Variants in AMBRA1 observed in about 807,000 individuals in gnomAD.
The protein encoded by AMBRA1 is autophagy and beclin 1 regulator 1, also known as activating molecule in BECN1-regulated autophagy protein 1.
AMBRA1 carries 47 observed loss-of-function variants against 125.4 expected under a neutral mutation model. The observed-to-expected ratio is 0.37, with a 90% CI of 0.30 to 0.48. The LOEUF is 0.48. AMBRA1 is among the 20% of genes least tolerant of loss of function. AMBRA1 has a pLI of 0.99. For missense variants in AMBRA1, 1,331 were observed against 1,693.4 expected, an observed-to-expected ratio of 0.79 and a Z score of 3.76; for synonymous variants, 626 against 655.5, an observed-to-expected ratio of 0.95 and a Z score of 0.69.
intron 5 of AMBRA1, 39 bp downstream of exon 5, chr11:46,545,565 G>C (rs995209119): frequency 8.7e-6 from 14 of 1,604,784 alleles, no homozygotes; most frequent in Admixed American, 3.4e-5. Context: ...TATCACGTCA[G>C]TCCTGTGCCA....
chr11:46,501,736 T>G (rs1412104725), intron 9 of AMBRA1, among the ~76,000 whole-genome samples: 1 of 152,242 alleles, frequency 6.6e-6, no homozygotes, highest in African/African-American at 2.4e-5. Context: ...ATCTTTTAGA[T>G]GTACAAACAG....
chr11:46,452,658 A>C (rs566283425), intron 11 of AMBRA1, among the ~76,000 whole-genome samples: 1 of 152,326 alleles, frequency 6.6e-6, no homozygotes, highest in East Asian at 1.9e-4. Context: ...CTTCATTCAA[A>C]TGCAGTCTTA....
At chr11:46,520,654 G>A (rs1951718697) in intron 7 of AMBRA1, among the ~76,000 whole-genome samples, 2 of 149,270 alleles carry the variant, frequency 1.3e-5, no homozygotes, top group Admixed American at 1.3e-4. Context: ...GGAGTGCAGT[G>A]GCGTGGTATC....
At chr11:46,441,798 T>C (rs1417339175) in intron 12 of AMBRA1, among the ~76,000 whole-genome samples, 1 of 152,082 alleles carries the variant, frequency 6.6e-6, no homozygotes, top group Non-Finnish European at 1.5e-5. Context: ...TAAGGAGGTT[T>C]GACCTTTCAA....
chr11:46,414,400 G>C (rs1029301644), intron 15 of AMBRA1, among the ~76,000 whole-genome samples: 2 of 152,188 alleles, frequency 1.3e-5, no homozygotes, highest in African/African-American at 4.8e-5. Flanking sequence ...ATTACAGAAG[G>C]GACAGAGCTG....
intron 11 of AMBRA1, among the ~76,000 whole-genome samples, chr11:46,489,708 C>G (rs548494696): frequency 6.6e-6 from 1 of 152,304 alleles, no homozygotes; most frequent in Admixed American, 6.5e-5. Flanking sequence ...CCCCACATTA[C>G]CCAGGCCCCT....
At chr11:46,500,209 T>C (rs1361610566) in intron 9 of AMBRA1, among the ~76,000 whole-genome samples, 1 of 152,196 alleles carries the variant, frequency 6.6e-6, no homozygotes, top group Non-Finnish European at 1.5e-5. Context: ...TCACTGCTGT[T>C]CTAAGAAGCA....
At chr11:46,482,870 G>A (rs1037096794) in intron 11 of AMBRA1, among the ~76,000 whole-genome samples, 3 of 152,000 alleles carry the variant, frequency 2.0e-5, no homozygotes, top group Non-Finnish European at 4.4e-5. Flanking sequence ...TTAGCCAGGC[G>A]TGGTGGCATG....
intron 11 of AMBRA1, among the ~76,000 whole-genome samples, chr11:46,449,387 T>C (rs1441555614): frequency 6.6e-6 from 1 of 152,140 alleles, no homozygotes; most frequent in Non-Finnish European, 1.5e-5. Context: ...AATGAACAAA[T>C]GAATGACTGG....
At chr11:46,528,064 A>G (rs1952054778) in intron 7 of AMBRA1, among the ~76,000 whole-genome samples, 1 of 152,266 alleles carries the variant, frequency 6.6e-6, no homozygotes, top group Admixed American at 6.5e-5. Context: ...CTAAATGTCC[A>G]TCAGTAGATG....
chr11:46,533,651 C>G (rs1251004856), intron 7 of AMBRA1, among the ~76,000 whole-genome samples: 1 of 152,202 alleles, frequency 6.6e-6, no homozygotes, highest in East Asian at 1.9e-4. Context: ...ACAAATCAAT[C>G]TAAAAGTGTG....
At chr11:46,494,999 A>C (rs193027982) in intron 9 of AMBRA1, 1 of 152,390 alleles carries the variant, frequency 6.6e-6, no homozygotes, top group East Asian at 1.9e-4. Context: ...ACGAAAGACC[A>C]GAGAGGTAAA....
chr11:46,578,733 T>C (rs2044055290), intron 1 of AMBRA1, among the ~76,000 whole-genome samples: 2 of 150,808 alleles, frequency 1.3e-5, no homozygotes, highest in African/African-American at 4.9e-5. Flanking sequence ...TAGAAAAAAT[T>C]AGCCAGGCAT....
rs59904013 is a variant in AMBRA1, at chr11:46,527,477, C to CAAAAAAAAAAA, written c.2072+14457_2072+14467dup. Among the ~76,000 whole-genome samples the CAAAAAAAAAAA allele has an allele frequency of 1.1e-3, 28 of 25,940 alleles. 4 individuals carry two copies. The highest frequency in any genetic ancestry group is 1.4e-3 in the Non-Finnish European group (24 of 16,764). 17.0% of individuals were successfully genotyped at this position (25,940 alleles called of 152,430 possible). On this transcript the variant is annotated intron_variant, in intron 7 of 17. Coordinates refer to ENST00000683756, the MANE Select transcript of AMBRA1 (RefSeq NM_001387011.1). ...CCTAGGTGACAAAGTGAGACTGTCT[C>CAAAAAAAAAAA]AAAAAAAAAAAAAAAAAAAAAAAAA...
intron 1 of AMBRA1, among the ~76,000 whole-genome samples, chr11:46,578,882 CAAAAAAAA>C (rs71042607): frequency 2.0e-4 from 5 of 24,478 alleles, no homozygotes; most frequent in South Asian, 3.2e-3. Flanking sequence ...GACTCAGTCT[CAAAAAAAA>C]AAAAAAAAAA....
intron 12 of AMBRA1, among the ~76,000 whole-genome samples, chr11:46,439,710 T>C (rs1947909758): frequency 1.3e-5 from 2 of 152,214 alleles, no homozygotes; most frequent in Admixed American, 6.5e-5. Flanking sequence ...GAATGACAAG[T>C]AGGAAGCTCC....
At chr11:46,444,881 G>A (rs1247516340) in intron 11 of AMBRA1, among the ~76,000 whole-genome samples, 1 of 152,116 alleles carries the variant, frequency 6.6e-6, no homozygotes, top group Non-Finnish European at 1.5e-5. Context: ...TGGCCACTGT[G>A]TCAGAAGACT....
chr11:46,418,880 C>A (rs967520468), intron 14 of AMBRA1, among the ~76,000 whole-genome samples: 2 of 152,146 alleles, frequency 1.3e-5, no homozygotes, highest in Non-Finnish European at 2.9e-5. Flanking sequence ...GGACGGACTG[C>A]CCATAACTTT....
At chr11:46,465,062 T>A (rs1013669954) in intron 11 of AMBRA1, among the ~76,000 whole-genome samples, 4 of 149,918 alleles carry the variant, frequency 2.7e-5, no homozygotes, top group African/African-American at 9.9e-5. Context: ...AAATAAAAAA[T>A]AAAAAAAAAT....
Sources: allele counts gnomAD v4.1 joint callset (sites outside exome capture counted in the v4.1 genomes callset), GRCh38; gene constraint gnomAD v4.1.1; transcripts MANE v1.5; gene names NCBI Gene and HGNC (gene_info 2026-07-23, HGNC 2026-07-21).